NKAIN3: variants seen among roughly 807,000 people sequenced by gnomAD.
NKAIN3 encodes sodium/potassium-transporting ATPase subunit beta-1-interacting protein 3.
Under a neutral mutation model 30.2 loss-of-function variants are expected in NKAIN3, and 25 were observed. The ratio of observed to expected loss-of-function variants is 0.83; its 90% CI spans 0.60 to 1.16. The LOEUF (loss-of-function observed/expected upper bound fraction) is 1.16, where lower values mean the gene tolerates loss of function less well. NKAIN3 is among the 50% of genes most tolerant of loss of function. The pLI is 0.00. For synonymous variants in NKAIN3, 91 were observed against 89.6 expected (o/e 1.02, Z -0.09); for missense variants, 225 against 254.1 (o/e 0.89, Z 0.78).
intron 1 of NKAIN3, among the ~76,000 whole-genome samples, chr8:62,509,517 G>A (rs887831550): frequency 6.6e-6 from 1 of 151,970 alleles, no homozygotes; most frequent in African/African-American, 2.4e-5. Flanking sequence ...TCTAATCTAT[G>A]GGCTATTAAT....
chr8:62,918,394 T>C, intron 4 of NKAIN3, 59 bp from the exon 5 acceptor site: 1 of 1,209,350 alleles, frequency 8.3e-7, no homozygotes, highest in Non-Finnish European at 1.2e-6. Context: ...TTATATTGGC[T>C]CTTTAAGTAT....
At chr8:62,822,302 G>T (rs1200120624) in intron 4 of NKAIN3, among the ~76,000 whole-genome samples, 3 of 152,086 alleles carry the variant, frequency 2.0e-5, no homozygotes, top group Non-Finnish European at 4.4e-5. Flanking sequence ...AAATTCTATT[G>T]ATAAAAATAC....
chr8:62,954,409 G>C (rs1275764395), intron 6 of NKAIN3, among the ~76,000 whole-genome samples: 1 of 152,088 alleles, frequency 6.6e-6, no homozygotes, highest in Admixed American at 6.6e-5. Flanking sequence ...GGTTTCACAG[G>C]GGGGAAATAG....
intron 1 of NKAIN3, among the ~76,000 whole-genome samples, chr8:62,563,827 T>C (rs889189532): frequency 1.3e-5 from 2 of 152,150 alleles, no homozygotes; most frequent in African/African-American, 4.8e-5. Context: ...TAATGTACAT[T>C]AAGAAAACAC....
At chr8:62,617,947 A>G (rs779325048) in intron 3 of NKAIN3, among the ~76,000 whole-genome samples, 2 of 152,236 alleles carry the variant, frequency 1.3e-5, no homozygotes, top group Non-Finnish European at 2.9e-5. Flanking sequence ...ATACAAAGTG[A>G]TAGGAAGACT....
chr8:62,399,969 C>T (rs1354338677), intron 1 of NKAIN3, among the ~76,000 whole-genome samples: 4 of 152,058 alleles, frequency 2.6e-5, no homozygotes, highest in Non-Finnish European at 5.9e-5. Context: ...GAGAGAGGGA[C>T]AGTATATAAG....
chr8:62,620,378 T>C (rs1189724723), intron 3 of NKAIN3, among the ~76,000 whole-genome samples: 1 of 152,146 alleles, frequency 6.6e-6, no homozygotes, highest in African/African-American at 2.4e-5. Flanking sequence ...GCACATTCTG[T>C]TTCTCAAATT....
intron 4 of NKAIN3, among the ~76,000 whole-genome samples, chr8:62,832,610 T>A: frequency 6.6e-6 from 1 of 152,104 alleles, no homozygotes. Flanking sequence ...TATTACATAA[T>A]GATAAAGAAT....
At chr8:62,781,266 T>A (rs1163287518) in intron 4 of NKAIN3, among the ~76,000 whole-genome samples, 2 of 151,720 alleles carry the variant, frequency 1.3e-5, no homozygotes, top group Admixed American at 6.6e-5. Flanking sequence ...AAAACACTGA[T>A]GAAAGAAATG....
At chr8:62,805,155 TACAA>T (rs949893737) in intron 4 of NKAIN3, among the ~76,000 whole-genome samples, 2 of 151,752 alleles carry the variant, frequency 1.3e-5, no homozygotes, top group African/African-American at 4.8e-5. Flanking sequence ...TAAAAGAGGA[TACAA>T]ACAAATGGAA....
At chr8:62,692,249 A>G (rs985221789) in intron 3 of NKAIN3, among the ~76,000 whole-genome samples, 3 of 152,224 alleles carry the variant, frequency 2.0e-5, no homozygotes, top group African/African-American at 7.2e-5. Flanking sequence ...AGGATCTTCA[A>G]AGTTGTATTG....
chr8:62,491,663 T>C (rs902190824), intron 1 of NKAIN3, among the ~76,000 whole-genome samples: 2 of 152,154 alleles, frequency 1.3e-5, no homozygotes, highest in Non-Finnish European at 2.9e-5. Context: ...GAAGGTGTCC[T>C]GCTGTGGGAG....
chr8:62,734,970 G>A (rs1442043850), intron 3 of NKAIN3, among the ~76,000 whole-genome samples: 1 of 152,168 alleles, frequency 6.6e-6, no homozygotes, highest in Non-Finnish European at 1.5e-5. Flanking sequence ...TTAGAAATCT[G>A]CGTTAATATG....
intron 1 of NKAIN3, among the ~76,000 whole-genome samples, chr8:62,459,228 A>C (rs1805913295): frequency 6.6e-6 from 1 of 152,156 alleles, no homozygotes; most frequent in African/African-American, 2.4e-5. Context: ...CTGGCTTGGC[A>C]ACTTTGATTG....
intron 4 of NKAIN3, among the ~76,000 whole-genome samples, chr8:62,813,189 A>G (rs1818548500): frequency 6.6e-6 from 1 of 151,834 alleles, no homozygotes; most frequent in Non-Finnish European, 1.5e-5. Context: ...TGGGTTCCCT[A>G]TTCCTTTCTA....
chr8:62,864,493 C>T (rs35448187), intron 4 of NKAIN3, among the ~76,000 whole-genome samples: 104,253 of 152,060 alleles, frequency 0.69, 36,345 homozygotes, highest in African/African-American at 0.76. Flanking sequence ...GGAATATAAT[C>T]TTGATGAGCC....
chr8:62,553,868 AAATGTAC>A (rs1809303018), intron 1 of NKAIN3, among the ~76,000 whole-genome samples: 1 of 152,094 alleles, frequency 6.6e-6, no homozygotes, highest in African/African-American at 2.4e-5. Flanking sequence ...AAGTTTCTAA[AAATGTAC>A]AATTTAATGA....
intron 4 of NKAIN3, among the ~76,000 whole-genome samples, chr8:62,782,434 G>A (rs1361043874): frequency 6.6e-6 from 1 of 151,864 alleles, no homozygotes; most frequent in Non-Finnish European, 1.5e-5. Flanking sequence ...TTATCCAAAG[G>A]AAAAGAAATC....
chr8:62,411,589 G>A (rs1451639889), intron 1 of NKAIN3, among the ~76,000 whole-genome samples: 6 of 152,136 alleles, frequency 3.9e-5, no homozygotes, highest in Non-Finnish European at 7.4e-5. Context: ...TAAAGGCATC[G>A]AAATAGGAAA....
Sources: gnomAD v4.1 joint callset for allele counts (sites outside exome capture counted in the v4.1 genomes callset) on GRCh38, gnomAD v4.1.1 for gene constraint, MANE v1.5 for transcripts, NCBI Gene and HGNC (gene_info 2026-07-23, HGNC 2026-07-21) for gene names.